HEMK2: variants seen among roughly 807,000 people sequenced by gnomAD.
HEMK2 encodes HemK methyltransferase 2, ETF1 glutamine and histone H4 lysine.
chr21:28,609,629 A>G, the HEMK2 span, among the ~76,000 whole-genome samples: 1 of 151,098 alleles, frequency 6.6e-6, no homozygotes, highest in Non-Finnish European at 1.5e-5. Context: ...CACCAGAGAA[A>G]GGTGAAGTCC....
chr21:28,672,949 CAGAG>C, the HEMK2 span, among the ~76,000 whole-genome samples: 2 of 131,830 alleles, frequency 1.5e-5, no homozygotes, highest in African/African-American at 2.8e-5. Flanking sequence ...AGAAGGAAGG[CAGAG>C]AGAGAGAGAA....
At chr21:28,722,115 A>T in the HEMK2 span, among the ~76,000 whole-genome samples, 45 of 152,150 alleles carry the variant, frequency 3.0e-4, no homozygotes, top group African/African-American at 9.6e-4. Flanking sequence ...AGCCACCATG[A>T]ATGTGAGGAT....
the HEMK2 span, among the ~76,000 whole-genome samples, chr21:28,616,565 G>C: frequency 6.6e-6 from 1 of 152,078 alleles, no homozygotes; most frequent in East Asian, 1.9e-4. Context: ...AAACTTCCCT[G>C]ACACATGAAA....
the HEMK2 span, among the ~76,000 whole-genome samples, chr21:28,659,540 G>A: frequency 1.3e-5 from 2 of 151,980 alleles, no homozygotes; most frequent in East Asian, 3.8e-4. Flanking sequence ...AGAAACCAAA[G>A]AGAACTATTT....
At chr21:28,603,558 TG>T in the HEMK2 span, among the ~76,000 whole-genome samples, 1 of 121,340 alleles carries the variant, frequency 8.2e-6, no homozygotes, top group African/African-American at 4.0e-5. Flanking sequence ...TATGTGTGTG[TG>T]TGTGTGTGTG....
At chr21:28,823,681 T>C in the HEMK2 span, among the ~76,000 whole-genome samples, 1 of 152,198 alleles carries the variant, frequency 6.6e-6, no homozygotes, top group Non-Finnish European at 1.5e-5. Flanking sequence ...CAGACTTAAC[T>C]GAGACACAGA....
At chr21:28,701,105 A>G in the HEMK2 span, among the ~76,000 whole-genome samples, 1 of 152,214 alleles carries the variant, frequency 6.6e-6, no homozygotes, top group Non-Finnish European at 1.5e-5. Flanking sequence ...ACATGCCTTC[A>G]TGATGAAAAC....
At chr21:28,782,130 T>C in the HEMK2 span, among the ~76,000 whole-genome samples, 4 of 152,344 alleles carry the variant, frequency 2.6e-5, no homozygotes, top group Non-Finnish European at 4.4e-5. Flanking sequence ...CTTTAACTTT[T>C]CAAAACTGAA....
chr21:28,807,596 C>A, the HEMK2 span, among the ~76,000 whole-genome samples: 89 of 152,300 alleles, frequency 5.8e-4, no homozygotes, highest in South Asian at 3.7e-3. Context: ...TTAGTGAGTG[C>A]AGGTCATCCC....
At chr21:28,702,111 G>T in the HEMK2 span, among the ~76,000 whole-genome samples, 1 of 152,198 alleles carries the variant, frequency 6.6e-6, no homozygotes, top group Middle Eastern at 3.4e-3. Context: ...ACGGTTCTGG[G>T]ATAACTAGCT....
chr21:28,708,804 CAAG>C, the HEMK2 span, among the ~76,000 whole-genome samples: 1 of 152,022 alleles, frequency 6.6e-6, no homozygotes, highest in Admixed American at 6.5e-5. Context: ...GGATGAAATC[CAAG>C]AAGATTAACT....
the HEMK2 span, among the ~76,000 whole-genome samples, chr21:28,620,660 C>CTTTTTTTTTTT: frequency 4.3e-3 from 214 of 49,652 alleles, 50 homozygotes; most frequent in African/African-American, 6.8e-3. Flanking sequence ...TCTCTCTTTT[C>CTTTTTTTTTTT]TTTTTTTTTT....
At chr21:28,786,245 T>A in the HEMK2 span, among the ~76,000 whole-genome samples, 3 of 152,240 alleles carry the variant, frequency 2.0e-5, no homozygotes, top group South Asian at 4.1e-4. Context: ...ATCTTATCTC[T>A]CAGCTTCACA....
At chr21:28,737,426 C>T in the HEMK2 span, among the ~76,000 whole-genome samples, 2 of 152,256 alleles carry the variant, frequency 1.3e-5, no homozygotes, top group African/African-American at 4.8e-5. Flanking sequence ...CGCCCAATCC[C>T]TCAGTGGAGT....
chr21:28,818,730 T>C, the HEMK2 span, among the ~76,000 whole-genome samples: 2 of 152,192 alleles, frequency 1.3e-5, no homozygotes, highest in Non-Finnish European at 2.9e-5. Flanking sequence ...TCACAGTCCG[T>C]GGGGCTCAAT....
the HEMK2 span, among the ~76,000 whole-genome samples, chr21:28,676,611 G>A: frequency 6.6e-6 from 1 of 152,236 alleles, no homozygotes; most frequent in Non-Finnish European, 1.5e-5. Context: ...CATGCACTGG[G>A]GTGTAGCCAC....
At chr21:28,577,725 A>G in the HEMK2 span, among the ~76,000 whole-genome samples, 1 of 152,198 alleles carries the variant, frequency 6.6e-6, no homozygotes, top group South Asian at 2.1e-4. Context: ...TTTTTAAAAA[A>G]GTGATTTATC....
chr21:28,831,526 G>GAAAGAAAGAAAGAAAGAAAGAAA, the HEMK2 span, among the ~76,000 whole-genome samples: 3 of 34,780 alleles, frequency 8.6e-5, no homozygotes, highest in Admixed American at 3.2e-4. Context: ...AAAGAAAGAA[G>GAAAGAAAGAAAGAAAGAAAGAAA]GAAAGAAGGA....
At chr21:28,822,146 A>ATCTGGTTGT in the HEMK2 span, among the ~76,000 whole-genome samples, 5 of 152,162 alleles carry the variant, frequency 3.3e-5, no homozygotes, top group Non-Finnish European at 7.4e-5. Flanking sequence ...GTTTAGCCAC[A>ATCTGGTTGT]CTCTGAAAAG....
Sources: gnomAD v4.1 joint callset for allele counts (sites outside exome capture counted in the v4.1 genomes callset) on GRCh38, gnomAD v4.1.1 for gene constraint, MANE v1.5 for transcripts, NCBI Gene and HGNC (gene_info 2026-07-23, HGNC 2026-07-21) for gene names.